The following UTRN variants were observed in gnomAD, a reference collection of about 807,000 sequenced individuals.
The protein encoded by UTRN is utrophin.
UTRN carries 283 observed loss-of-function variants against 463.9 expected under a neutral mutation model. That is an observed-to-expected ratio of 0.61 (90% CI 0.55 to 0.67). UTRN has a LOEUF of 0.67. Ranked by LOEUF, UTRN falls within the 30% of genes least tolerant of loss-of-function variation. UTRN has a pLI of 0.00. For synonymous variants in UTRN, 1,442 were observed against 1,431.5 expected, an observed-to-expected ratio of 1.01 and a Z score of -0.17; for missense variants, 3,922 against 4,084.3, an observed-to-expected ratio of 0.96 and a Z score of 1.08.
chr6:144,399,770 C>T (rs1782776384), intron 2 of UTRN, among the ~76,000 whole-genome samples: 1 of 152,186 alleles, frequency 6.6e-6, no homozygotes, highest in African/African-American at 2.4e-5. Context: ...TTGCTACGTT[C>T]TGCTAAAACA....
chr6:144,533,875 G>A (rs1351229508), intron 43 of UTRN, among the ~76,000 whole-genome samples: 3 of 151,920 alleles, frequency 2.0e-5, no homozygotes, highest in Non-Finnish European at 2.9e-5. Context: ...AAAATTATTT[G>A]ACATTATTTT....
intron 9 of UTRN, among the ~76,000 whole-genome samples, chr6:144,430,593 A>G (rs1785714092): frequency 6.6e-6 from 1 of 152,200 alleles, no homozygotes; most frequent in Admixed American, 6.5e-5. Flanking sequence ...TAAACTCTCA[A>G]TCACAGTTTT....
chr6:144,674,542 G>A (rs531460378), intron 51 of UTRN, among the ~76,000 whole-genome samples: 11 of 151,396 alleles, frequency 7.3e-5, no homozygotes, highest in African/African-American at 9.7e-5. Context: ...TTTTTCATCC[G>A]TAACCTGTGT....
In UTRN at chr6:144,721,226, T is replaced by C. The variant is rs987019932; in HGVS notation, c.7810-9131T>C. 2.6e-5 allele frequency among the ~76,000 whole-genome samples: 4 copies of C among 152,170 alleles called. No homozygotes were observed. The East Asian group carries it at 7.7e-4, about 29-fold the overall frequency. Reference sequence around the variant, plus strand: ...ATTCCCTTTGTTGCTGTTGTTGTTGTTTTGAGACAGTGTCTTGCTCCGTCG... The same window carrying C: ...ATTCCCTTTGTTGCTGTTGTTGTTGCTTTGAGACAGTGTCTTGCTCCGTCG... On this transcript the variant is annotated intron_variant, in intron 53 of 74. Coordinates refer to ENST00000367545, the MANE Select transcript of UTRN (RefSeq NM_007124.3).
intron 68 of UTRN, 50 bp from the exon 69 acceptor site, chr6:144,828,740 C>A: frequency 6.5e-7 from 1 of 1,529,454 alleles, no homozygotes; most frequent in Non-Finnish European, 9.1e-7. Flanking sequence ...GTCCAATTGA[C>A]CATGTCCTAT....
intron 36 of UTRN, among the ~76,000 whole-genome samples, 189 bp from the exon 37 acceptor site, chr6:144,514,461 G>A (rs893702021): frequency 1.3e-5 from 2 of 152,138 alleles, no homozygotes; most frequent in African/African-American, 2.4e-5. Flanking sequence ...ATTTTCCAAT[G>A]AGAATTACTT....
At chr6:144,585,024 G>A (rs1407155286) in intron 51 of UTRN, among the ~76,000 whole-genome samples, 3 of 151,896 alleles carry the variant, frequency 2.0e-5, no homozygotes, top group East Asian at 1.9e-4. Context: ...TTCCTGATCC[G>A]TTTGTGTGTG....
In UTRN at chr6:144,381,377, A is replaced by G. The variant is rs570601395; in HGVS notation, c.80-21746A>G. Among the ~76,000 whole-genome samples the G allele has an allele frequency of 3.3e-5, 5 of 152,308 alleles. No homozygotes were observed. The East Asian group carries it at 7.7e-4, about 24-fold the overall frequency. The stretch of plus-strand genomic sequence containing the variant: ...TCATTCCATTTTATGGCTGCATAGT[A>G]TTCCATAGTGTGTATATGCCACATT... On this transcript the variant is annotated intron_variant, in intron 2 of 74. Transcript: ENST00000367545.
At chr6:144,546,877 A>G (rs903874848) in intron 46 of UTRN, among the ~76,000 whole-genome samples, 1 of 152,200 alleles carries the variant, frequency 6.6e-6, no homozygotes, top group Non-Finnish European at 1.5e-5. Context: ...AAATCCTGGA[A>G]AAGCTGCAGT....
At chr6:144,361,512 T>A (rs141618742) in intron 2 of UTRN, among the ~76,000 whole-genome samples, 52 of 152,234 alleles carry the variant, frequency 3.4e-4, no homozygotes, top group Non-Finnish European at 6.5e-4. Context: ...ACCAGGTGGA[T>A]CTATTTCTGG....
intron 4 of UTRN, among the ~76,000 whole-genome samples, chr6:144,422,355 G>A (rs558661830): frequency 4.3e-4 from 65 of 152,278 alleles, no homozygotes; most frequent in African/African-American, 1.5e-3. Flanking sequence ...GGTAGCTCAC[G>A]CCTGTAATCC....
intron 65 of UTRN, among the ~76,000 whole-genome samples, chr6:144,818,726 A>G (rs1394680218): frequency 6.6e-6 from 1 of 152,204 alleles, no homozygotes; most frequent in Non-Finnish European, 1.5e-5. Flanking sequence ...TTACCAAGAC[A>G]TTTAGGGTAA....
At chr6:144,706,293 G>T (rs1462953471) in intron 53 of UTRN, among the ~76,000 whole-genome samples, 1 of 150,512 alleles carries the variant, frequency 6.6e-6, no homozygotes, top group East Asian at 2.0e-4. Flanking sequence ...ATCAGGAAAA[G>T]TCTTTATTTA....
intron 45 of UTRN, 95 bp downstream of exon 45, chr6:144,539,538 CA>C: frequency 7.8e-7 from 1 of 1,282,794 alleles, no homozygotes; most frequent in Non-Finnish European, 1.0e-6. Context: ...CAAGTATGTC[CA>C]AATGGGGCAA....
At chr6:144,750,064 A>G (rs1791210097) in intron 55 of UTRN, among the ~76,000 whole-genome samples, 1 of 152,186 alleles carries the variant, frequency 6.6e-6, no homozygotes, top group Admixed American at 6.5e-5. Flanking sequence ...AATCCTGACT[A>G]AAGAAACCTT....
intron 63 of UTRN, among the ~76,000 whole-genome samples, chr6:144,797,360 G>A (rs969624256): frequency 1.3e-5 from 2 of 151,780 alleles, no homozygotes; most frequent in African/African-American, 4.8e-5. Flanking sequence ...AGCTAATTTT[G>A]TGTGTGTGTG....
intron 3 of UTRN, among the ~76,000 whole-genome samples, chr6:144,405,496 T>A (rs958944099): frequency 5.3e-5 from 8 of 151,970 alleles, no homozygotes; most frequent in Non-Finnish European, 8.8e-5. Context: ...GAAAAAAAAA[T>A]AAATCCCGTT....
chr6:144,394,335 G>A (rs150332650), intron 2 of UTRN, among the ~76,000 whole-genome samples: 2,721 of 152,236 alleles, frequency 0.018, 45 homozygotes, highest in South Asian at 0.088. Flanking sequence ...ATGGCAGCAG[G>A]CAAGAGAGAA....
intron 54 of UTRN, among the ~76,000 whole-genome samples, chr6:144,745,618 A>G (rs936859314): frequency 2.0e-5 from 3 of 152,234 alleles, no homozygotes; most frequent in Non-Finnish European, 2.9e-5. Flanking sequence ...AGGACTGCTC[A>G]ATCAATAAAT....
Sources: gnomAD v4.1 joint callset for allele counts (sites outside exome capture counted in the v4.1 genomes callset) on GRCh38, gnomAD v4.1.1 for gene constraint, MANE v1.5 for transcripts, NCBI Gene and HGNC (gene_info 2026-07-23, HGNC 2026-07-21) for gene names.